CDK7: variants seen among roughly 807,000 people sequenced by gnomAD.
The protein encoded by CDK7 is cyclin-dependent kinase 7.
Under a neutral mutation model 49.1 loss-of-function variants are expected in CDK7, and 25 were observed. The observed-to-expected ratio is 0.51, with a 90% CI of 0.37 to 0.71. The LOEUF is 0.71. Among genes scored for constraint, CDK7 ranks in the 30% least tolerant of loss-of-function variants. The pLI, the probability that CDK7 is intolerant of heterozygous loss-of-function variation, is 0.00. For synonymous variants in CDK7, 107 were observed against 140.0 expected, an observed-to-expected ratio of 0.76 and a Z score of 1.67; for missense variants, 316 against 411.7, an observed-to-expected ratio of 0.77 and a Z score of 2.01.
chr5:69,260,303 T>C (rs2150213235), intron 7 of CDK7, among the ~76,000 whole-genome samples: 1 of 152,000 alleles, frequency 6.6e-6, no homozygotes, highest in African/African-American at 2.4e-5. Context: ...TGAGCAGAGA[T>C]TGCACCACCG....
At chr5:69,252,494 C>CTTTT (rs138764556) in intron 3 of CDK7, 43 bp downstream of exon 3, 50 of 364,246 alleles carry the variant, frequency 1.4e-4, no homozygotes, top group South Asian at 2.8e-4. Flanking sequence ...AAGTTTTCTC[C>CTTTT]TTTTTTTTTT....
At chr5:69,262,694 A>G (rs1750912460) in intron 8 of CDK7, among the ~76,000 whole-genome samples, 1 of 151,996 alleles carries the variant, frequency 6.6e-6, no homozygotes, top group South Asian at 2.1e-4. Context: ...GAAAAAGAAA[A>G]AGAAAAGAAT....
At chr5:69,259,760 C>T in intron 6 of CDK7, 58 bp from the exon 7 acceptor site, 1 of 1,012,320 alleles carries the variant, frequency 9.9e-7, no homozygotes, top group Non-Finnish European at 1.6e-6. Context: ...CTAAATGTAG[C>T]ACTACAGTGT....
intron 8 of CDK7, among the ~76,000 whole-genome samples, chr5:69,268,228 G>A (rs1488424215): frequency 6.6e-6 from 1 of 152,110 alleles, no homozygotes; most frequent in African/African-American, 2.4e-5. Flanking sequence ...TTTCCATGTG[G>A]TCTAGGATCT....
chr5:69,238,651 T>C (rs980386809), intron 2 of CDK7, among the ~76,000 whole-genome samples: 15 of 145,400 alleles, frequency 1.0e-4, no homozygotes, highest in African/African-American at 3.9e-4. Context: ...GTTATTCTTT[T>C]TTTTTTATTT....
At chr5:69,238,168 C>T (rs954118009) in intron 2 of CDK7, among the ~76,000 whole-genome samples, 1 of 152,058 alleles carries the variant, frequency 6.6e-6, no homozygotes, top group Non-Finnish European at 1.5e-5. Flanking sequence ...AATTTGTTTC[C>T]CAATTTATTT....
intron 2 of CDK7, among the ~76,000 whole-genome samples, chr5:69,248,159 C>T (rs1400629784): frequency 1.3e-5 from 2 of 152,066 alleles, no homozygotes; most frequent in Non-Finnish European, 2.9e-5. Flanking sequence ...TTTTGTTTGT[C>T]TGGGAAAGTC....
chr5:69,247,670 C>T (rs1213588906), intron 2 of CDK7, among the ~76,000 whole-genome samples: 9 of 151,540 alleles, frequency 5.9e-5, no homozygotes, highest in African/African-American at 2.2e-4. Context: ...TCCTTTCTTC[C>T]TGTCTTCCTT....
At chr5:69,263,503 C>A (rs1402054209) in intron 8 of CDK7, among the ~76,000 whole-genome samples, 5 of 152,192 alleles carry the variant, frequency 3.3e-5, no homozygotes, top group African/African-American at 9.6e-5. Context: ...TTGAGGCAAG[C>A]CTGGACAATA....
chr5:69,262,192 TTTTG>T lies in CDK7; in HGVS notation c.528-10_528-7del, dbSNP rs766476348. ...TTCATGCTAAAATGATACTAATTCT[TTTTG>T]TTCTTTAGGTGGTATCGGGCCCCCG... On this transcript the variant is annotated splice_polypyrimidine_tract_variant and intron_variant, in intron 7 of 11. Transcript: ENST00000256443. 3.7e-6 allele frequency: 6 copies of T among 1,613,082 alleles called. 1 individual carries two copies. The South Asian group carries it at 6.6e-5, about 18-fold the overall frequency.
intron 2 of CDK7, among the ~76,000 whole-genome samples, chr5:69,238,818 T>C (rs1438775707): frequency 6.6e-6 from 1 of 151,960 alleles, no homozygotes. Flanking sequence ...CACCTCGGCC[T>C]CCCAAAGTGC....
At chr5:69,255,825 G>GTT in intron 5 of CDK7, 2 of 307,954 alleles carry the variant, frequency 6.5e-6, no homozygotes, top group Non-Finnish European at 6.1e-6. Flanking sequence ...AGATTTGTTT[G>GTT]CTTTTTTTTT....
chr5:69,250,924 C>A, intron 2 of CDK7: 1 of 453,764 alleles, frequency 2.2e-6, no homozygotes. Flanking sequence ...TTAAGAAATT[C>A]TGTGGGTTTT....
intron 2 of CDK7, chr5:69,250,630 C>G: frequency 2.2e-6 from 1 of 446,160 alleles, no homozygotes; most frequent in South Asian, 1.6e-5. Context: ...AGAGCCAAGG[C>G]CTGGATTCAT....
intron 8 of CDK7, among the ~76,000 whole-genome samples, chr5:69,262,668 C>CAAAAAAAAAAAA (rs35645434): frequency 1.8e-5 from 2 of 113,586 alleles, no homozygotes; most frequent in Non-Finnish European, 1.8e-5. Flanking sequence ...GGCTCCATCT[C>CAAAAAAAAAAAA]AAAAAAAAAA....
intron 8 of CDK7, among the ~76,000 whole-genome samples, chr5:69,266,188 G>A (rs936969290): frequency 1.3e-5 from 2 of 152,214 alleles, no homozygotes; most frequent in Non-Finnish European, 2.9e-5. Context: ...AAGAGGCTGC[G>A]GCGGCGAAGG....
At chr5:69,268,834 C>CACA in intron 8 of CDK7, among the ~76,000 whole-genome samples, 1 of 120,676 alleles carries the variant, frequency 8.3e-6, no homozygotes, top group East Asian at 2.5e-4. Context: ...GAGACTGTCT[C>CACA]AAAAAAAAAA....
chr5:69,252,760 C>T (rs751755302), intron 3 of CDK7, among the ~76,000 whole-genome samples: 7 of 152,052 alleles, frequency 4.6e-5, no homozygotes, highest in African/African-American at 1.4e-4. Context: ...CCTCCCACCT[C>T]GGCCTCCCAA....
At chr5:69,270,205 G>GT (rs1751441846) in intron 9 of CDK7, among the ~76,000 whole-genome samples, 1 of 152,146 alleles carries the variant, frequency 6.6e-6, no homozygotes, top group Non-Finnish European at 1.5e-5. Context: ...GGAGACTGAG[G>GT]TAAATGGGTC....
Sources: gnomAD v4.1 joint callset for allele counts (sites outside exome capture counted in the v4.1 genomes callset) on GRCh38, gnomAD v4.1.1 for gene constraint, MANE v1.5 for transcripts, NCBI Gene and HGNC (gene_info 2026-07-23, HGNC 2026-07-21) for gene names.